Variants in BTNL8 observed in about 807,000 individuals in gnomAD.
BTNL8 encodes the protein butyrophilin-like protein 8.
Under a neutral mutation model 36.1 loss-of-function variants are expected in BTNL8, and 22 were observed. The ratio of observed to expected loss-of-function variants is 0.61; its 90% CI spans 0.44 to 0.87. The LOEUF is 0.87. BTNL8 is among the 40% of genes least tolerant of loss of function. The pLI is 0.00. For missense variants in BTNL8, 526 were observed against 616.9 expected, an observed-to-expected ratio of 0.85 and a Z score of 1.56; for synonymous variants, 203 against 235.6, an observed-to-expected ratio of 0.86 and a Z score of 1.27.
At position 180,950,169 on chromosome 5, in the gene BTNL8, G is replaced by A; in HGVS notation, c.1128G>A (p.Gly376=). 9.6e-6 allele frequency: 14 copies of A among 1,462,916 alleles called. 3 individuals carry two copies. Among genetic ancestry groups the A allele is most frequent in the Non-Finnish European group, 1.1e-5 (12 of 1,058,858 alleles). The allele number at this position is 1,462,916 out of a possible 1,614,324, so 90.6% of individuals were successfully genotyped here. A position where few individuals can be genotyped will look rare whatever the true frequency, so the allele number is the denominator to read the frequency against. The part of the protein sequence containing the change: ...KEYVTLSPDH[G]YWVLRLNGEH... ...ACGTGACTTTGTCTCCCGATCATGG[G>A]TACTGGGTCCTCAGACTGAATGGAG... The change falls in exon 8 of 8, where the codon GGG becomes GGA. Residue 376 remains glycine, a synonymous_variant. Transcript: ENST00000340184.
chr5:180,912,130 G>A (rs892373749), intron 3 of BTNL8, among the ~76,000 whole-genome samples: 2 of 152,184 alleles, frequency 1.3e-5, no homozygotes, highest in African/African-American at 4.8e-5. Context: ...TGGCCTCAGA[G>A]CAGGCTGCTG....
rs190885798 is a variant in BTNL8, at chr5:180,919,859, A to G, written c.673+8245A>G. Among the ~76,000 whole-genome samples, 488 of 152,352 alleles carry G rather than the reference A, an allele frequency of 3.2e-3. 4 individuals carry two copies. Among genetic ancestry groups the G allele is most frequent in the African/African-American group, 0.011 (473 of 41,596 alleles). Reference sequence around the variant, plus strand: ...GTCAAAGATCTGTACACTGAAAACTATAAGACACTGGTGAAAGAAATGGAC... The same window carrying G: ...GTCAAAGATCTGTACACTGAAAACTGTAAGACACTGGTGAAAGAAATGGAC... On this transcript the variant is annotated intron_variant, in intron 3 of 7. Transcript: ENST00000340184.
chr5:180,928,632 A>G (rs1561939273), intron 3 of BTNL8, among the ~76,000 whole-genome samples: 1 of 152,218 alleles, frequency 6.6e-6, no homozygotes, highest in Non-Finnish European at 1.5e-5. Context: ...TACCAACCAA[A>G]TGGAAAGCAG....
At chr5:180,928,785 C>A (rs912314280) in intron 3 of BTNL8, among the ~76,000 whole-genome samples, 1 of 152,044 alleles carries the variant, frequency 6.6e-6, no homozygotes, top group African/African-American at 2.4e-5. Flanking sequence ...ATATATGCAC[C>A]CAATATAGAA....
chr5:180,940,698 T>C (rs537855528), intron 3 of BTNL8, among the ~76,000 whole-genome samples: 1 of 151,270 alleles, frequency 6.6e-6, no homozygotes, highest in South Asian at 2.1e-4. Context: ...ATAAAGAAAA[T>C]CAGAAACCAA....
rs1759437309 is a variant in BTNL8 at position 180,949,356 on chromosome 5, T to C, written c.862+91T>C. 4 of 1,439,084 alleles carry C rather than the reference T, an allele frequency of 2.8e-6. 1 individual carries two copies. The African/African-American group carries it at 5.6e-5, about 20-fold the overall frequency. The allele number at this position is 1,439,084 out of a possible 1,614,324, so 89.1% of individuals were successfully genotyped here. A position where few individuals can be genotyped will look rare whatever the true frequency, so the allele number is the denominator to read the frequency against. ...CAGGGACAGATACGGGAACACAGAG[T>C]GATGCTGAGACCCATCCTGCCTGCA... On this transcript the variant is annotated intron_variant, in intron 7 of 7. Transcript: ENST00000340184.
chr5:180,920,107 C>A (rs1338476638), intron 3 of BTNL8, among the ~76,000 whole-genome samples: 1 of 152,128 alleles, frequency 6.6e-6, no homozygotes, highest in South Asian at 2.1e-4. Flanking sequence ...CATCATACTA[C>A]CTGATTTCAA....
At chr5:180,909,192 A>C (rs1314476899) in intron 2 of BTNL8, among the ~76,000 whole-genome samples, 9 of 151,900 alleles carry the variant, frequency 5.9e-5, no homozygotes. Flanking sequence ...TCATGGTCAC[A>C]CCCACCCCTT....
At position 180,950,903 on chromosome 5, in the gene BTNL8, G is replaced by T. The variant is rs964214498; in HGVS notation, c.*359G>T. On this transcript the variant is annotated 3_prime_UTR_variant, in exon 8 of 8. Coordinates refer to ENST00000340184, the MANE Select transcript of BTNL8 (RefSeq NM_001040462.3). ...GTTTGTTCATTATATTACACTTTCA[G>T]TAAGGTCTTTGCTTGTTTATTTCAC... 6 of 246,416 alleles carry T rather than the reference G, an allele frequency of 2.4e-5. No homozygotes were observed. Among genetic ancestry groups the T allele is most frequent in the African/African-American group, 1.4e-4 (6 of 44,138 alleles). The allele number at this position is 246,416 out of a possible 1,614,324, so 15.3% of individuals were successfully genotyped here. A position where few individuals can be genotyped will look rare whatever the true frequency, so the allele number is the denominator to read the frequency against.
In BTNL8 at chr5:180,935,101, T is replaced by C. The variant is rs1188173307; in HGVS notation, c.674-12411T>C. On this transcript the variant is annotated intron_variant, in intron 3 of 7. Transcript: ENST00000340184. This position sits in a 1 kb window ranked among gnomAD's most constrained non-coding sequence, Gnocchi z 4.8. ...GATGTCTGTCTGAGTCTAGGGGTTT[T>C]TATGGGCCCAGAAGGAAGGGAGTGC... Among the ~76,000 whole-genome samples, 1 of 152,144 alleles carries C rather than the reference T, an allele frequency of 6.6e-6. No individual in the cohort carries two copies. Among genetic ancestry groups the C allele is most frequent in the African/African-American group, 2.4e-5 (1 of 41,424 alleles).
intron 3 of BTNL8, among the ~76,000 whole-genome samples, chr5:180,921,727 T>A (rs535969557): frequency 1.3e-4 from 20 of 150,162 alleles, no homozygotes; most frequent in Admixed American, 1.3e-3. Flanking sequence ...ATAATTATAA[T>A]AAAAGGGGTA....
intron 1 of BTNL8, 44 bp from the exon 2 acceptor site, chr5:180,908,542 T>G (rs1317239435): frequency 6.3e-7 from 1 of 1,590,962 alleles, no homozygotes; most frequent in African/African-American, 1.3e-5. Flanking sequence ...TCCCCCTCAC[T>G]ACAAAGGGTT....
At chr5:180,928,350 G>C (rs151084981) in intron 3 of BTNL8, among the ~76,000 whole-genome samples, 1 of 152,224 alleles carries the variant, frequency 6.6e-6, no homozygotes, top group Non-Finnish European at 1.5e-5. Flanking sequence ...AATATGGAAA[G>C]GAAAAACCAG....
intron 3 of BTNL8, among the ~76,000 whole-genome samples, chr5:180,947,198 C>T (rs534492942): frequency 6.6e-6 from 1 of 152,326 alleles, no homozygotes; most frequent in Admixed American, 6.5e-5. Flanking sequence ...ACAAATGACA[C>T]AGAGCAGAGA....
chr5:180,950,654 G>T lies in BTNL8; in HGVS notation c.*110G>T, dbSNP rs781630823. ...CTTCCAGATGAAGGGGGACTGGCCT[G>T]TCCACATGGGAGTCAGGTGTCATGG... On this transcript the variant is annotated 3_prime_UTR_variant, in exon 8 of 8. Transcript: ENST00000340184. The T allele has an allele frequency of 1.6e-5, 18 of 1,122,176 alleles. 4 individuals carry two copies. The highest frequency in any genetic ancestry group is 2.1e-5 in the Non-Finnish European group (17 of 798,934). 69.5% of individuals were successfully genotyped at this position (1,122,176 alleles called of 1,614,324 possible). A position where few individuals can be genotyped will look rare whatever the true frequency, so the allele number is the denominator to read the frequency against.
chr5:180,901,235 T>C (rs185073478), intron 1 of BTNL8, among the ~76,000 whole-genome samples: 1 of 152,328 alleles, frequency 6.6e-6, no homozygotes, highest in Non-Finnish European at 1.5e-5. Flanking sequence ...AATGAAAAAG[T>C]ATCCACTGAT....
chr5:180,902,241 C>T (rs2113759928), intron 1 of BTNL8: 1 of 1,002,394 alleles, frequency 1.0e-6, no homozygotes, highest in African/African-American at 1.7e-5. Context: ...GGCAATAGAA[C>T]CTCCTGGAAT....
intron 1 of BTNL8, among the ~76,000 whole-genome samples, chr5:180,900,483 A>G (rs756412834): frequency 6.6e-6 from 1 of 152,184 alleles, no homozygotes; most frequent in African/African-American, 2.4e-5. Flanking sequence ...AAGGGAAGGA[A>G]GTGGAAGGAG....
At position 180,940,308 on chromosome 5, in the gene BTNL8, C is replaced by A. The variant is rs181905745; in HGVS notation, c.674-7204C>A. Among the ~76,000 whole-genome samples, 618 of 149,290 alleles carry A rather than the reference C, an allele frequency of 4.1e-3. 7 individuals are homozygous for A. The highest frequency in any genetic ancestry group is 0.015 in the African/African-American group (593 of 40,466). On this transcript the variant is annotated intron_variant, in intron 3 of 7. Coordinates refer to ENST00000340184, the MANE Select transcript of BTNL8 (RefSeq NM_001040462.3). ...GAGCTGAGATCATGCTGCTGCACTTCAGCCTGGGCGACAGAGCAAGACTTC... is the reference window on the plus strand; with the variant it reads ...GAGCTGAGATCATGCTGCTGCACTTAAGCCTGGGCGACAGAGCAAGACTTC...
Sources: gnomAD v4.1 joint callset for allele counts (sites outside exome capture counted in the v4.1 genomes callset) on GRCh38, gnomAD v4.1.1 for gene constraint, Gnocchi (gnomAD v3.1) non-coding constraint, MANE v1.5 for transcripts, NCBI Gene and HGNC (gene_info 2026-07-23, HGNC 2026-07-21) for gene names.